The following ARHGEF7 variants were observed in gnomAD, a reference collection of about 807,000 sequenced individuals.
ARHGEF7 encodes Rho guanine nucleotide exchange factor 7.
A neutral mutation model predicts 109.8 loss-of-function variants in ARHGEF7; 33 were observed. That is an observed-to-expected ratio of 0.30 (90% CI 0.23 to 0.40). The LOEUF (loss-of-function observed/expected upper bound fraction) is 0.40. Ranked by LOEUF, ARHGEF7 falls within the 10% of genes least tolerant of loss-of-function variation. The probability of loss-of-function intolerance (pLI) is 1.00; values close to 1 mark genes in which losing one functional copy is unlikely to be tolerated. For synonymous variants in ARHGEF7, 458 were observed against 424.6 expected, an observed-to-expected ratio of 1.08 and a Z score of -0.97; for missense variants, 938 against 1,098.5, an observed-to-expected ratio of 0.85 and a Z score of 2.07.
intron 5 of ARHGEF7, among the ~76,000 whole-genome samples, chr13:111,221,446 TATATATATAGATATATAGAC>T (rs2084166665): frequency 1.2e-5 from 1 of 84,638 alleles, no homozygotes; most frequent in African/African-American, 5.1e-5. Flanking sequence ...TATATATATC[TATATATATAGATATATAGAC>T]ATCTATATAT....
intron 2 of ARHGEF7, among the ~76,000 whole-genome samples, chr13:111,201,977 C>T (rs1025381974): frequency 6.6e-6 from 1 of 152,136 alleles, no homozygotes; most frequent in African/African-American, 2.4e-5. Flanking sequence ...CTATTGAGAG[C>T]AAAATACCAA....
chr13:111,225,886 A>T (rs1217758924), intron 5 of ARHGEF7, among the ~76,000 whole-genome samples: 1 of 152,230 alleles, frequency 6.6e-6, no homozygotes, highest in African/African-American at 2.4e-5. Flanking sequence ...AAGTGTTCAA[A>T]TGAAAGGAAG....
intron 8 of ARHGEF7, among the ~76,000 whole-genome samples, chr13:111,245,689 T>C (rs2088706437): frequency 6.6e-6 from 1 of 152,172 alleles, no homozygotes; most frequent in African/African-American, 2.4e-5. Flanking sequence ...CACTGTGTGT[T>C]TGTTAGCAGT....
At position 111,273,956 on chromosome 13, in the gene ARHGEF7, C is replaced by G. The variant is rs1423955909; in HGVS notation, c.1212+4C>G. The stretch of plus-strand genomic sequence containing the variant: ...AGAGCTCGAGAGACACATGGAGGTA[C>G]TGCGCTTTCATTCTCTTACTTGGAG... On this transcript the variant is annotated splice_donor_region_variant and intron_variant, in intron 10 of 21. Coordinates refer to ENST00000646102, the MANE Select transcript of ARHGEF7 (RefSeq NM_001354046.2). This position sits in a 1 kb window ranked among gnomAD's most constrained non-coding sequence, Gnocchi z 4.5. The G allele has an allele frequency of 3.7e-6, 6 of 1,613,822 alleles. No homozygotes were observed. The highest frequency in any genetic ancestry group is 4.2e-6 in the Non-Finnish European group (5 of 1,179,844).
intron 19 of ARHGEF7, among the ~76,000 whole-genome samples, chr13:111,297,014 A>G (rs2093441658): frequency 6.6e-6 from 1 of 152,226 alleles, no homozygotes; most frequent in African/African-American, 2.4e-5. Flanking sequence ...TTGTTTTTCC[A>G]TTCTAGGTAA....
At chr13:111,122,218 T>G (rs1382820029) in intron 1 of ARHGEF7, among the ~76,000 whole-genome samples, 1 of 152,142 alleles carries the variant, frequency 6.6e-6, no homozygotes, top group African/African-American at 2.4e-5. Context: ...ACACAGCTGC[T>G]GGTTGGGGAG....
chr13:111,154,065 C>A, intron 2 of ARHGEF7, 74 bp downstream of exon 2: 1 of 1,409,844 alleles, frequency 7.1e-7, no homozygotes, highest in Non-Finnish European at 9.4e-7. Context: ...TGCTTCGCTC[C>A]AGCCGGACCT....
chr13:111,212,634 G>A (rs2082637509), intron 4 of ARHGEF7, among the ~76,000 whole-genome samples: 1 of 152,114 alleles, frequency 6.6e-6, no homozygotes, highest in Non-Finnish European at 1.5e-5. Flanking sequence ...TGGAAACCAG[G>A]GACCTGTACG....
chr13:111,262,743 C>CT lies in ARHGEF7; in HGVS notation c.951-4803dup, dbSNP rs1327309892. On this transcript the variant is annotated intron_variant, in intron 8 of 21. Coordinates refer to ENST00000646102, the MANE Select transcript of ARHGEF7 (RefSeq NM_001354046.2). ...ATCTTCTGGGTAAGGAAAAAAAACC[C>CT]TTGGGTACCCCCTTTCACCTTGTGC... Among the ~76,000 whole-genome samples, 5 of 152,296 alleles carry CT rather than the reference C, an allele frequency of 3.3e-5. No homozygotes were observed. In the East Asian group the frequency reaches 9.6e-4, roughly 29 times the overall value.
intron 12 of ARHGEF7, chr13:111,275,928 T>A (rs1012847267): frequency 4.5e-5 from 21 of 469,614 alleles, no homozygotes; most frequent in African/African-American, 3.9e-4. Flanking sequence ...CCACGTGAAC[T>A]GAAGGATAGA....
intron 19 of ARHGEF7, among the ~76,000 whole-genome samples, chr13:111,295,804 A>C (rs2153631124): frequency 6.6e-6 from 1 of 152,372 alleles, no homozygotes; most frequent in South Asian, 2.1e-4. Flanking sequence ...ATTTTGCTCC[A>C]CTGTGAATGT....
rs1394851087 is a variant in ARHGEF7 at position 111,228,995 on chromosome 13, C to T, written c.671-4210C>T. Among the ~76,000 whole-genome samples, 1 of 151,972 alleles carries T rather than the reference C, an allele frequency of 6.6e-6. No individual in the cohort carries two copies. On this transcript the variant is annotated intron_variant, in intron 5 of 21. Transcript: ENST00000646102. The surrounding 1 kb of genome is among the most constrained non-coding windows in gnomAD (Gnocchi z 4.6). ...AGCGGAAGAGGCAAGTGAGGACTCACAGAAGTGTGTTCTTCTCAAAAGAGG... is the reference window on the plus strand; with the variant it reads ...AGCGGAAGAGGCAAGTGAGGACTCATAGAAGTGTGTTCTTCTCAAAAGAGG...
intron 2 of ARHGEF7, 29 bp downstream of exon 2, chr13:111,154,020 A>G: frequency 6.3e-7 from 1 of 1,583,018 alleles, no homozygotes. Context: ...GGGCCGAGGG[A>G]GGGGCCGGGA....
chr13:111,266,777 C>G lies in ARHGEF7; in HGVS notation c.951-771C>G, dbSNP rs1453622220. 4 of 455,590 alleles carry G rather than the reference C, an allele frequency of 8.8e-6. No homozygotes were observed. Among genetic ancestry groups the G allele is most frequent in the African/African-American group, 8.0e-5 (4 of 50,014 alleles). 28.2% of individuals were successfully genotyped at this position (455,590 alleles called of 1,614,324 possible). On this transcript the variant is annotated intron_variant, in intron 8 of 21. Coordinates refer to ENST00000646102, the MANE Select transcript of ARHGEF7 (RefSeq NM_001354046.2). The surrounding 1 kb of genome is among the most constrained non-coding windows in gnomAD (Gnocchi z 4.8). ...TGGGTATCTGGGGAGCAAAGACACC[C>G]TGGGGTGCAGGGAAGGTGGTAAGAG...
At chr13:111,283,813 T>G (rs963773422) in intron 16 of ARHGEF7, among the ~76,000 whole-genome samples, 2 of 152,222 alleles carry the variant, frequency 1.3e-5, no homozygotes, top group Non-Finnish European at 2.9e-5. Flanking sequence ...AGAGAACATT[T>G]ACTAATACAA....
At chr13:111,235,772 T>C (rs1055885176) in intron 6 of ARHGEF7, among the ~76,000 whole-genome samples, 1 of 152,226 alleles carries the variant, frequency 6.6e-6, no homozygotes, top group Admixed American at 6.5e-5. Context: ...CAAAACATGA[T>C]AGATAATGTG....
At chr13:111,268,573 C>T (rs1020475545) in intron 9 of ARHGEF7, among the ~76,000 whole-genome samples, 5 of 152,216 alleles carry the variant, frequency 3.3e-5, no homozygotes, top group Admixed American at 6.5e-5. Context: ...TTGGTTGCCT[C>T]TTCAGAAGCA....
chr13:111,131,475 G>A lies in ARHGEF7; in HGVS notation c.165+15784G>A, dbSNP rs1321206282. ...GAGCTTAGAGGCCCCCTGGACTGAAGCATACACGTGGGACTCGTAGTACAG... is the reference window on the plus strand; with the variant it reads ...GAGCTTAGAGGCCCCCTGGACTGAAACATACACGTGGGACTCGTAGTACAG... On this transcript the variant is annotated intron_variant, in intron 1 of 21. Coordinates refer to ENST00000646102, the MANE Select transcript of ARHGEF7 (RefSeq NM_001354046.2). This position sits in a 1 kb window ranked among gnomAD's most constrained non-coding sequence, Gnocchi z 4.4. Among the ~76,000 whole-genome samples, 1 of 152,200 alleles carries A rather than the reference G, an allele frequency of 6.6e-6. No homozygotes were observed. The highest frequency in any genetic ancestry group is 1.5e-5 in the Non-Finnish European group (1 of 68,032).
intron 12 of ARHGEF7, among the ~76,000 whole-genome samples, chr13:111,276,989 T>G (rs928637082): frequency 3.3e-5 from 5 of 152,216 alleles, no homozygotes; most frequent in African/African-American, 9.7e-5. Context: ...AGTAATACTT[T>G]TAAGTCTGAT....
Sources: allele counts gnomAD v4.1 joint callset (sites outside exome capture counted in the v4.1 genomes callset), GRCh38; gene constraint gnomAD v4.1.1; non-coding constraint Gnocchi (gnomAD v3.1); transcripts MANE v1.5; gene names NCBI Gene and HGNC (gene_info 2026-07-23, HGNC 2026-07-21).